The following SMU1 variants were observed in gnomAD, a reference collection of about 807,000 sequenced individuals.
The protein encoded by SMU1 is SMU1 DNA replication regulator and spliceosomal factor.
A neutral mutation model predicts 62.0 loss-of-function variants in SMU1; 2 were observed. That is an observed-to-expected ratio of 0.03 (90% CI 0.01 to 0.10). SMU1 has a LOEUF of 0.10. Ranked by LOEUF, SMU1 falls within the 10% of genes least tolerant of loss-of-function variation. The probability of loss-of-function intolerance (pLI) is 1.00; values close to 1 mark genes in which losing one functional copy is unlikely to be tolerated. For synonymous variants in SMU1, 188 were observed against 212.4 expected, an observed-to-expected ratio of 0.89 and a Z score of 1.00; for missense variants, 227 against 622.1, an observed-to-expected ratio of 0.36 and a Z score of 6.76.
At position 33,051,122 on chromosome 9, in the gene SMU1, A is replaced by G. The variant is rs1391566506; in HGVS notation, c.1290+2001T>C. 1.6e-4 allele frequency among the ~76,000 whole-genome samples: 11 copies of G among 67,894 alleles called. 4 individuals are homozygous for G. Among genetic ancestry groups the G allele is most frequent in the Non-Finnish European group, 4.0e-4 (11 of 27,734 alleles). The allele number at this position is 67,894 out of a possible 152,430, so 44.5% of individuals were successfully genotyped here. On this transcript the variant is annotated intron_variant, in intron 10 of 11. Coordinates refer to ENST00000397149, the MANE Select transcript of SMU1 (RefSeq NM_018225.3). ...GGCGACAGAGCGAGACTCTGTCTCA[A>G]AAAAAAAAAAAAATAAAAATAAAAA...
At chr9:33,064,831 C>T (rs1186335536) in intron 4 of SMU1, among the ~76,000 whole-genome samples, 3 of 151,986 alleles carry the variant, frequency 2.0e-5, no homozygotes, top group African/African-American at 7.3e-5. Flanking sequence ...CAAACTCTGC[C>T]TCCCGGGTTC....
chr9:33,048,773 T>C (rs191991989), intron 10 of SMU1, among the ~76,000 whole-genome samples: 1 of 152,226 alleles, frequency 6.6e-6, no homozygotes, highest in Admixed American at 6.5e-5. Flanking sequence ...TCCATTTCTA[T>C]ACCATTTTCA....
At position 33,052,119 on chromosome 9, in the gene SMU1, A is replaced by C. The variant is rs575357042; in HGVS notation, c.1290+1004T>G. ...CAGAATGATTATATCCCTGCTTAAA[A>C]ATAAATAAATAAATAAAAAGAATGC... On this transcript the variant is annotated intron_variant, in intron 10 of 11. Transcript: ENST00000397149. Among the ~76,000 whole-genome samples the C allele has an allele frequency of 7.2e-5, 11 of 152,192 alleles. No homozygotes were observed. The South Asian group carries it at 2.3e-3, about 32-fold the overall frequency.
intron 4 of SMU1, among the ~76,000 whole-genome samples, chr9:33,068,259 T>G (rs1460009423): frequency 6.6e-6 from 1 of 152,184 alleles, no homozygotes; most frequent in East Asian, 1.9e-4. Context: ...AGGGATCAAC[T>G]GTACTCTCAA....
intron 10 of SMU1, among the ~76,000 whole-genome samples, chr9:33,050,937 C>G (rs867770211): frequency 1.1e-5 from 1 of 87,952 alleles, no homozygotes; most frequent in Non-Finnish European, 2.6e-5. Flanking sequence ...CTGGCTAACA[C>G]GGTGAAACCC....
intron 2 of SMU1, among the ~76,000 whole-genome samples, chr9:33,072,356 T>C (rs1030760789): frequency 6.6e-6 from 1 of 151,934 alleles, no homozygotes; most frequent in African/African-American, 2.4e-5. Context: ...TAAATAATAA[T>C]TTCAATCCTT....
chr9:33,073,076 G>A (rs1007229938), intron 2 of SMU1, among the ~76,000 whole-genome samples: 8 of 152,086 alleles, frequency 5.3e-5, no homozygotes, highest in Non-Finnish European at 1.2e-4. Context: ...GCTCAGGATA[G>A]GTAGGAGCTA....
intron 3 of SMU1, among the ~76,000 whole-genome samples, chr9:33,071,127 T>C (rs1369788416): frequency 1.3e-5 from 2 of 152,082 alleles, no homozygotes; most frequent in African/African-American, 4.8e-5. Context: ...CCCATAAATA[T>C]ATACACCTAC....
intron 6 of SMU1, 89 bp downstream of exon 6, chr9:33,060,376 T>C: frequency 8.6e-7 from 1 of 1,167,878 alleles, no homozygotes; most frequent in South Asian, 1.5e-5. Context: ...AGATCCTTTT[T>C]CAACTAATCT....
rs372908017 is a variant in SMU1, at chr9:33,062,044, C to A, written c.630+5G>T. The stretch of plus-strand genomic sequence containing the variant: ...ACTGACTGGCTGAATGTCTTAGGAT[C>A]CTACCTTAATATGCCTGCTCAGTTG... On this transcript the variant is annotated splice_donor_5th_base_variant and intron_variant, in intron 5 of 11. Coordinates refer to ENST00000397149, the MANE Select transcript of SMU1 (RefSeq NM_018225.3). The A allele has an allele frequency of 1.5e-5, 24 of 1,612,916 alleles. No individual in the cohort carries two copies. Among genetic ancestry groups the A allele is most frequent in the African/African-American group, 2.7e-5 (2 of 74,890 alleles).
chr9:33,051,886 C>T (rs1230187128), intron 10 of SMU1, among the ~76,000 whole-genome samples: 1 of 151,812 alleles, frequency 6.6e-6, no homozygotes, highest in South Asian at 2.1e-4. Flanking sequence ...GTGACCCCGT[C>T]TCTACTAGAA....
chr9:33,056,274 T>C (rs761543392), intron 8 of SMU1, 35 bp from the exon 9 acceptor site: 1 of 1,584,754 alleles, frequency 6.3e-7, no homozygotes, highest in South Asian at 1.1e-5. Context: ...GAACAATAAA[T>C]ATTTAATATC....
chr9:33,067,297 CAAAAA>C (rs58105257), intron 4 of SMU1, among the ~76,000 whole-genome samples: 3 of 52,746 alleles, frequency 5.7e-5, no homozygotes, highest in Non-Finnish European at 6.8e-5. Context: ...TGCTAATGAC[CAAAAA>C]AAAAAAAAAA....
chr9:33,052,279 C>A (rs1445975866), intron 10 of SMU1, among the ~76,000 whole-genome samples: 1 of 145,232 alleles, frequency 6.9e-6, no homozygotes, highest in Non-Finnish European at 1.5e-5. Context: ...GAGCGAAACA[C>A]AGGAACTCTT....
At chr9:33,048,437 T>C (rs1005564427) in intron 10 of SMU1, among the ~76,000 whole-genome samples, 179 bp from the exon 11 acceptor site, 3 of 152,230 alleles carry the variant, frequency 2.0e-5, no homozygotes, top group African/African-American at 4.8e-5. Flanking sequence ...AAATATTCAA[T>C]AGATAAGTAA....
At chr9:33,049,974 T>G (rs186392424) in intron 10 of SMU1, among the ~76,000 whole-genome samples, 1 of 152,026 alleles carries the variant, frequency 6.6e-6, no homozygotes, top group Admixed American at 6.6e-5. Flanking sequence ...AGACAAGCCA[T>G]GGACTGGGAG....
intron 7 of SMU1, 112 bp downstream of exon 7, chr9:33,057,486 G>T: frequency 1.5e-6 from 2 of 1,300,610 alleles, no homozygotes; most frequent in South Asian, 1.3e-5. Flanking sequence ...GCATAAAGCT[G>T]ATGCTCAATA....
intron 4 of SMU1, among the ~76,000 whole-genome samples, chr9:33,067,297 CAAAAAAAAAAAAAAAA>C (rs58105257): frequency 1.9e-5 from 1 of 52,746 alleles, no homozygotes; most frequent in Non-Finnish European, 3.4e-5. Context: ...TGCTAATGAC[CAAAAAAAAAAAAAAAA>C]AAAAAAAAAA....
Position 33,076,596 on chromosome 9 carries a change from T to C in SMU1, c.13A>G (p.Ile5Val). MSIE[I>V]ESSDVIRLIM... is the part of the protein sequence containing the mutation. ...CGCAGGACTCACTCCGAAGATTCGA[T>C]TTCGATCGACATAGCCGTATCTCTC... is the stretch of plus-strand genomic sequence containing the variant. Residue 5 changes from isoleucine to valine, a missense_variant, in exon 1 of 12, where the codon ATC (isoleucine) becomes GTC (valine). By Grantham distance (29) the Ile-to-Val change is conservative. Transcript: ENST00000397149. The C allele has an allele frequency of 1.2e-6, 2 of 1,613,926 alleles. No individual in the cohort carries two copies. Among genetic ancestry groups the C allele is most frequent in the Non-Finnish European group, 1.7e-6 (2 of 1,180,010 alleles).
Sources: allele counts gnomAD v4.1 joint callset (sites outside exome capture counted in the v4.1 genomes callset), GRCh38; gene constraint gnomAD v4.1.1; transcripts MANE v1.5; gene names NCBI Gene and HGNC (gene_info 2026-07-23, HGNC 2026-07-21).